Variants in CAND2 observed in about 807,000 individuals in gnomAD.
The protein encoded by CAND2 is cullin associated and neddylation dissociated 2 (putative), also known as cullin-associated NEDD8-dissociated protein 2.
CAND2 carries 62 observed loss-of-function variants against 98.9 expected under a neutral mutation model. The ratio of observed to expected loss-of-function variants is 0.63; its 90% CI spans 0.51 to 0.77. The LOEUF (loss-of-function observed/expected upper bound fraction) is 0.77, where lower values mean the gene tolerates loss of function less well. Ranked by LOEUF, CAND2 falls within the 30% of genes least tolerant of loss-of-function variation. The probability of loss-of-function intolerance (pLI) is 0.00; values close to 1 mark genes in which losing one functional copy is unlikely to be tolerated. For synonymous variants in CAND2, 770 were observed against 731.9 expected (o/e 1.05, Z -0.84); for missense variants, 1,501 against 1,655.2 (o/e 0.91, Z 1.62).
rs1299095479 is a variant in CAND2 at position 12,796,701 on chromosome 3, C to A, written c.-20C>A. The A allele has an allele frequency of 2.6e-6, 4 of 1,565,606 alleles. No individual in the cohort carries two copies. The African/African-American group carries it at 4.1e-5, about 16-fold the overall frequency. ...CGCCATATTCCCTCCCGCCGGCCGGCTCCGCGGCGCGCAGCCACCATGAGC... is the reference window on the plus strand; with the variant it reads ...CGCCATATTCCCTCCCGCCGGCCGGATCCGCGGCGCGCAGCCACCATGAGC... On this transcript the variant is annotated 5_prime_UTR_variant, in exon 1 of 15. Coordinates refer to ENST00000456430, the MANE Select transcript of CAND2 (RefSeq NM_001162499.2).
intron 3 of CAND2, 95 bp from the exon 4 acceptor site, chr3:12,808,115 C>T (rs1293615621): frequency 1.4e-6 from 2 of 1,469,668 alleles, no homozygotes; most frequent in East Asian, 5.0e-5. Flanking sequence ...GGGATGTGGG[C>T]TCAGGAACAC....
chr3:12,812,945 G>C, intron 5 of CAND2, 45 bp from the exon 6 acceptor site: 1 of 1,266,572 alleles, frequency 7.9e-7, no homozygotes, highest in South Asian at 1.3e-5. Flanking sequence ...GGGGAACTCC[G>C]GGAGAGTGTC....
At chr3:12,806,199 T>C (rs1575764952) in intron 2 of CAND2, among the ~76,000 whole-genome samples, 3 of 152,208 alleles carry the variant, frequency 2.0e-5, no homozygotes, top group Admixed American at 1.3e-4. Context: ...CTTGAATATG[T>C]AATCTCATCT....
chr3:12,812,969 G>T lies in CAND2; in HGVS notation c.758-21G>T, dbSNP rs753292673. 38 of 1,504,584 alleles carry T rather than the reference G, an allele frequency of 2.5e-5. No homozygotes were observed. In the South Asian group the frequency reaches 4.6e-4, roughly 18 times the overall value. 93.2% of individuals were successfully genotyped at this position (1,504,584 alleles called of 1,614,324 possible). A position where few individuals can be genotyped will look rare whatever the true frequency, so the allele number is the denominator to read the frequency against. On this transcript the variant is annotated intron_variant, in intron 5 of 14. Transcript: ENST00000456430. ...CGGGAGAGTGTCTGGCTTGGGTTCAGTGATCCACCTGGCCCTGCAGGGGCT... is the reference window on the plus strand; with the variant it reads ...CGGGAGAGTGTCTGGCTTGGGTTCATTGATCCACCTGGCCCTGCAGGGGCT...
chr3:12,796,794 G>A lies in CAND2; in HGVS notation c.68+6G>A, dbSNP rs12631514. 26 of 1,574,000 alleles carry A rather than the reference G, an allele frequency of 1.7e-5. No individual in the cohort carries two copies. Among genetic ancestry groups the A allele is most frequent in the Non-Finnish European group, 2.2e-5 (26 of 1,159,028 alleles). ...TCCAGCGACAAGGACTTCAGGTGCA[G>A]CCCGCCGCCGGCCCCCTTCTCTCCT... On this transcript the variant is annotated splice_donor_region_variant and intron_variant, in intron 1 of 14. Transcript: ENST00000456430.
Position 12,808,336 on chromosome 3 carries a change from G to C in CAND2, c.491+3G>C, listed in dbSNP as rs1405098586. On this transcript the variant is annotated splice_donor_region_variant and intron_variant, in intron 4 of 14. Coordinates refer to ENST00000456430, the MANE Select transcript of CAND2 (RefSeq NM_001162499.2). ...ATCCTCTCTGACATGCTGAGCAGGT[G>C]TGGGAGGCCATCCTGGGTATTGAGG... is the stretch of plus-strand genomic sequence containing the variant. The C allele has an allele frequency of 3.2e-6, 5 of 1,551,404 alleles. No individual in the cohort carries two copies. In the Admixed American group the frequency reaches 7.8e-5, roughly 24 times the overall value.
Position 12,817,232 on chromosome 3 carries a change from C to T in CAND2, c.2300C>T (p.Thr767Ile), listed in dbSNP as rs1220601038. ...GGCTTCCTGCAGGCCCTGGTAGGGA[C>T]CCGTCCCCCGTGTGTGGACTATGCC... is the stretch of plus-strand genomic sequence containing the variant. ...AEGFLQALVG[T>I]RPPCVDYAKL... Residue 767 changes from threonine to isoleucine, a missense_variant, in exon 10 of 15, where the codon ACC (threonine) becomes ATC (isoleucine). Around this residue, in one of 3 missense-constraint regions of CAND2, gnomAD observed 1,427 missense variants for 1,545.3 expected, o/e 0.92. Coordinates refer to ENST00000456430, the MANE Select transcript of CAND2 (RefSeq NM_001162499.2). 1.2e-6 allele frequency: 2 copies of T among 1,613,692 alleles called. No individual in the cohort carries two copies. The highest frequency in any genetic ancestry group is 1.7e-6 in the Non-Finnish European group (2 of 1,180,042).
rs1329572463 is a variant in CAND2, at chr3:12,831,327, G to C, written c.3376-138G>C. On this transcript the variant is annotated intron_variant, in intron 13 of 14. Coordinates refer to ENST00000456430, the MANE Select transcript of CAND2 (RefSeq NM_001162499.2). ...TTGAGGAAACAGACCCAGAGAGGGAGAGACTCTGGCAGGACTTCACGGTGG... is the reference window on the plus strand; with the variant it reads ...TTGAGGAAACAGACCCAGAGAGGGACAGACTCTGGCAGGACTTCACGGTGG... The C allele has an allele frequency of 1.4e-5, 10 of 695,372 alleles. No homozygotes were observed. In the East Asian group the frequency reaches 1.9e-4, roughly 13 times the overall value. The allele number at this position is 695,372 out of a possible 1,614,324, so 43.1% of individuals were successfully genotyped here.
intron 6 of CAND2, 66 bp from the exon 7 acceptor site, chr3:12,813,180 T>C (rs970682078): frequency 9.4e-6 from 15 of 1,595,528 alleles, no homozygotes; most frequent in African/African-American, 2.7e-5. Flanking sequence ...AGGACTCCCA[T>C]TGGGCCCTGT....
chr3:12,820,273 C>T (rs886868286), intron 11 of CAND2, 92 bp downstream of exon 11: 34 of 927,270 alleles, frequency 3.7e-5, no homozygotes, highest in Non-Finnish European at 5.5e-5. Context: ...TAGCCAAGGG[C>T]AATGGGAGAC....
At chr3:12,806,396 G>C (rs1683416185) in intron 2 of CAND2, among the ~76,000 whole-genome samples, 1 of 152,188 alleles carries the variant, frequency 6.6e-6, no homozygotes, top group African/African-American at 2.4e-5. Flanking sequence ...CAGGGATTCA[G>C]ATTCAGGGGA....
At position 12,817,376 on chromosome 3, in the gene CAND2, G is replaced by A; in HGVS notation, c.2444G>A (p.Cys815Tyr). 1 of 1,613,874 alleles carries A rather than the reference G, an allele frequency of 6.2e-7. No homozygotes were observed. The highest frequency in any genetic ancestry group is 1.1e-5 in the South Asian group (1 of 91,084). ...TGTGTGGCAGCCCTCTCAGCTGCCT[G>A]TCCCCAAGAGGCGGCAAGCACAGCC... Reference protein sequence around the residue: ...ARCVAALSAACPQEAASTASR... With the variant: ...ARCVAALSAAYPQEAASTASR... Residue 815 changes from cysteine to tyrosine, a missense_variant, in exon 10 of 15, where the codon TGT becomes TAT. This residue lies in a region of CAND2 where 1,427 missense variants were observed against 1,545.3 expected (regional missense o/e 0.92). Transcript: ENST00000456430.
chr3:12,812,874 T>G (rs1021000442), intron 5 of CAND2, 116 bp from the exon 6 acceptor site: 5 of 664,746 alleles, frequency 7.5e-6, no homozygotes, highest in South Asian at 3.6e-5. Flanking sequence ...ATGAAACCTC[T>G]GAGTTGAATC....
intron 1 of CAND2, among the ~76,000 whole-genome samples, chr3:12,800,837 C>T (rs527271166): frequency 6.6e-6 from 1 of 151,850 alleles, no homozygotes; most frequent in African/African-American, 2.4e-5. Flanking sequence ...ATTCTCCTGC[C>T]TCAGCCTCCC....
intron 13 of CAND2, among the ~76,000 whole-genome samples, chr3:12,830,944 AT>A (rs1327031332): frequency 6.6e-6 from 1 of 152,140 alleles, no homozygotes; most frequent in African/African-American, 2.4e-5. Context: ...GGACTTGACT[AT>A]TTTCAAAAGA....
At chr3:12,828,538 C>T (rs2062022248) in intron 13 of CAND2, among the ~76,000 whole-genome samples, 2 of 152,038 alleles carry the variant, frequency 1.3e-5, no homozygotes, top group South Asian at 2.1e-4. Flanking sequence ...GACGGGGTTT[C>T]ACCATATTGG....
chr3:12,820,062 A>G, intron 10 of CAND2, 24 bp from the exon 11 acceptor site: 3 of 1,567,348 alleles, frequency 1.9e-6, no homozygotes, highest in Non-Finnish European at 1.8e-6. Flanking sequence ...GCCCCTCACT[A>G]ACTCACCTCT....
At position 12,803,272 on chromosome 3, in the gene CAND2, G is replaced by A. The variant is rs540320576; in HGVS notation, c.69-216G>A. Among the ~76,000 whole-genome samples, 87 of 152,288 alleles carry A rather than the reference G, an allele frequency of 5.7e-4. 1 individual carries two copies. The highest frequency in any genetic ancestry group is 1.1e-3 in the Non-Finnish European group (76 of 68,024). ...CTCCCAAAGTGCTGGGATTACAGGCGTGAGCCATTGCGCCCGGCCAGCTCC... is the reference window on the plus strand; with the variant it reads ...CTCCCAAAGTGCTGGGATTACAGGCATGAGCCATTGCGCCCGGCCAGCTCC... On this transcript the variant is annotated intron_variant, in intron 1 of 14. Coordinates refer to ENST00000456430, the MANE Select transcript of CAND2 (RefSeq NM_001162499.2).
At chr3:12,820,223 C>A (rs761216190) in intron 11 of CAND2, 42 bp downstream of exon 11, 1 of 1,442,682 alleles carries the variant, frequency 6.9e-7, no homozygotes, top group Non-Finnish European at 9.7e-7. Context: ...TTCAGTGCCC[C>A]CACCCAGTCC....
Sources: gnomAD v4.1 joint callset for allele counts (sites outside exome capture counted in the v4.1 genomes callset) on GRCh38, gnomAD v4.1.1 for gene constraint, gnomAD v4.1.1 regional missense constraint, MANE v1.5 for transcripts, NCBI Gene and HGNC (gene_info 2026-07-23, HGNC 2026-07-21) for gene names.